The following FECH variants were observed in gnomAD, a reference collection of about 807,000 sequenced individuals.
The protein encoded by FECH is ferrochelatase, mitochondrial.
In FECH, 40 loss-of-function variants were observed where a neutral mutation model predicts 56.9. The ratio of observed to expected loss-of-function variants is 0.70; its 90% CI spans 0.55 to 0.92. FECH has a LOEUF of 0.92. Among genes scored for constraint, FECH ranks in the 40% least tolerant of loss-of-function variants. The probability of loss-of-function intolerance (pLI) is 0.00; values close to 1 mark genes in which losing one functional copy is unlikely to be tolerated. For synonymous variants in FECH, 175 were observed against 198.6 expected, an observed-to-expected ratio of 0.88 and a Z score of 1.00; for missense variants, 431 against 529.1, an observed-to-expected ratio of 0.81 and a Z score of 1.82.
At chr18:57,577,567 A>G (rs940028651) in intron 2 of FECH, among the ~76,000 whole-genome samples, 3 of 152,210 alleles carry the variant, frequency 2.0e-5, no homozygotes, top group African/African-American at 7.2e-5. Flanking sequence ...ATATTAAAAA[A>G]CTAGAAATCA....
rs1261994673 is a variant in FECH, at chr18:57,546,893, G to C, written c.*3819C>G. Among the ~76,000 whole-genome samples the C allele has an allele frequency of 6.6e-6, 1 of 151,442 alleles. No individual in the cohort carries two copies. The highest frequency in any genetic ancestry group is 1.5e-5 in the Non-Finnish European group (1 of 67,936). On this transcript the variant is annotated 3_prime_UTR_variant, in exon 11 of 11. Coordinates refer to ENST00000262093, the MANE Select transcript of FECH (RefSeq NM_000140.5). ...GATGATCCTTTGAACCCAAGAGGCG[G>C]AGGTTGCAGTGAGCCGAGATCGTGC...
At chr18:57,582,006 T>A (rs78756572) in intron 1 of FECH, among the ~76,000 whole-genome samples, 63 of 148,586 alleles carry the variant, frequency 4.2e-4, no homozygotes, top group Middle Eastern at 3.4e-3. Flanking sequence ...GTTGGTGTTT[T>A]AAAAAAAAAA....
At chr18:57,551,209 A>C in intron 10 of FECH, 106 bp downstream of exon 10, 1 of 833,088 alleles carries the variant, frequency 1.2e-6, no homozygotes. Context: ...AATTAATTGG[A>C]ACTCCAAATG....
At chr18:57,554,232 T>C in intron 9 of FECH, 28 bp downstream of exon 9, 3 of 1,613,904 alleles carry the variant, frequency 1.9e-6, no homozygotes, top group Non-Finnish European at 2.5e-6. Context: ...CAAGTCATGA[T>C]GGGAAAAAGG....
intron 1 of FECH, among the ~76,000 whole-genome samples, chr18:57,581,178 G>C (rs981432874): frequency 6.6e-6 from 1 of 152,178 alleles, no homozygotes; most frequent in Admixed American, 6.5e-5. Flanking sequence ...TGTGATCAAG[G>C]TCTATTTGTC....
intron 3 of FECH, among the ~76,000 whole-genome samples, chr18:57,572,772 G>GT (rs1363948430): frequency 6.6e-6 from 1 of 151,778 alleles, no homozygotes; most frequent in African/African-American, 2.4e-5. Context: ...ACTATTTGTA[G>GT]TTTTTATCCC....
rs10608112 is a variant in FECH at position 57,570,032 on chromosome 18, CGTGTGTGTGT to C, written c.463+1350_463+1359del. ...TTGCTGTTGTTGTTGTTGTTGTTGT[CGTGTGTGTGT>C]GTGTGTGTGTGTGTGTGTGTGTGTG... is the stretch of plus-strand genomic sequence containing the variant. On this transcript the variant is annotated intron_variant, in intron 4 of 10. Transcript: ENST00000262093. 3.3e-3 allele frequency among the ~76,000 whole-genome samples: 401 copies of C among 122,852 alleles called. 5 individuals are homozygous for C. Among genetic ancestry groups the C allele is most frequent in the African/African-American group, 7.1e-3 (246 of 34,870 alleles). 80.6% of individuals were successfully genotyped at this position (122,852 alleles called of 152,430 possible). A position where few individuals can be genotyped will look rare whatever the true frequency, so the allele number is the denominator to read the frequency against.
intron 2 of FECH, among the ~76,000 whole-genome samples, chr18:57,576,989 T>C (rs765651810): frequency 6.6e-5 from 10 of 152,238 alleles, no homozygotes; most frequent in African/African-American, 1.4e-4. Context: ...TTTCAACATT[T>C]TGCCATTTTT....
intron 1 of FECH, among the ~76,000 whole-genome samples, chr18:57,584,219 C>T (rs2051331442): frequency 6.8e-6 from 1 of 148,088 alleles, no homozygotes; most frequent in South Asian, 2.2e-4. Flanking sequence ...ATAACTCCTG[C>T]AGTGGTGGAC....
At chr18:57,580,239 A>T (rs1272608469) in intron 1 of FECH, 40 bp from the exon 2 acceptor site, 1 of 1,613,516 alleles carries the variant, frequency 6.2e-7, no homozygotes, top group Non-Finnish European at 8.5e-7. Context: ...ATCTAGCTAG[A>T]AAGTAATTTC....
chr18:57,577,018 A>C (rs2051194164), intron 2 of FECH, among the ~76,000 whole-genome samples: 1 of 152,242 alleles, frequency 6.6e-6, no homozygotes, highest in Admixed American at 6.5e-5. Context: ...GGACTCTCAA[A>C]ATACAAGGTT....
chr18:57,574,191 G>A lies in FECH; in HGVS notation c.195-826C>T, dbSNP rs557304706. ...GTATTTTTAGTAGAGATGGTGTTTC[G>A]CCATGTTGGCCAGGCTGGTCTCAAA... On this transcript the variant is annotated intron_variant, in intron 2 of 10. Coordinates refer to ENST00000262093, the MANE Select transcript of FECH (RefSeq NM_000140.5). Among the ~76,000 whole-genome samples, 13 of 151,772 alleles carry A rather than the reference G, an allele frequency of 8.6e-5. No individual in the cohort carries two copies. The South Asian group carries it at 2.5e-3, about 29-fold the overall frequency.
In FECH at chr18:57,547,433, G is replaced by C. The variant is rs2050734061; in HGVS notation, c.*3279C>G. ...AACATGGAGACAGTTCCCCCATGCT[G>C]TTCTTGTGACAGCCAGTTCTCACGA... On this transcript the variant is annotated 3_prime_UTR_variant, in exon 11 of 11. Transcript: ENST00000262093. Among the ~76,000 whole-genome samples, 1 of 152,062 alleles carries C rather than the reference G, an allele frequency of 6.6e-6. No individual in the cohort carries two copies. The highest frequency in any genetic ancestry group is 2.4e-5 in the African/African-American group (1 of 41,380).
chr18:57,550,290 A>T lies in FECH; in HGVS notation c.*422T>A, dbSNP rs3760612. On this transcript the variant is annotated 3_prime_UTR_variant, in exon 11 of 11. Coordinates refer to ENST00000262093, the MANE Select transcript of FECH (RefSeq NM_000140.5). Reference sequence around the variant, plus strand: ...TCACTTCAAATACTCAACTGTGTTCATTTAAAAAACAGCAACTATATGCAC... The same window carrying T: ...TCACTTCAAATACTCAACTGTGTTCTTTTAAAAAACAGCAACTATATGCAC... 0.018 allele frequency: 2,944 copies of T among 162,420 alleles called. 49 individuals carry two copies. Among genetic ancestry groups the T allele is most frequent in the East Asian group, 0.092 (524 of 5,702 alleles). The allele number at this position is 162,420 out of a possible 1,614,324, so 10.1% of individuals were successfully genotyped here. A position where few individuals can be genotyped will look rare whatever the true frequency, so the allele number is the denominator to read the frequency against.
intron 4 of FECH, among the ~76,000 whole-genome samples, chr18:57,570,028 TTGTCGTGTGTG>T (rs1171801774): frequency 4.7e-4 from 48 of 101,962 alleles, no homozygotes; most frequent in Admixed American, 1.5e-3. Flanking sequence ...GTTGTTGTTG[TTGTCGTGTGTG>T]TGTGTGTGTG....
At position 57,548,304 on chromosome 18, in the gene FECH, C is replaced by G. The variant is rs2050747129; in HGVS notation, c.*2408G>C. ...TGAGTTCATTTCTCCTGATACGAAGCAAATTTTGAGTGCAAAAATTTATTG... is the reference window on the plus strand; with the variant it reads ...TGAGTTCATTTCTCCTGATACGAAGGAAATTTTGAGTGCAAAAATTTATTG... On this transcript the variant is annotated 3_prime_UTR_variant, in exon 11 of 11. Coordinates refer to ENST00000262093, the MANE Select transcript of FECH (RefSeq NM_000140.5). 2 of 150,048 alleles carry G rather than the reference C, an allele frequency of 1.3e-5. No individual in the cohort carries two copies. Among genetic ancestry groups the G allele is most frequent in the Non-Finnish European group, 3.0e-5 (2 of 67,630 alleles). The allele number at this position is 150,048 out of a possible 1,614,324, so 9.3% of individuals were successfully genotyped here. A position where few individuals can be genotyped will look rare whatever the true frequency, so the allele number is the denominator to read the frequency against.
chr18:57,567,441 C>T (rs1218463050), intron 4 of FECH, among the ~76,000 whole-genome samples: 2 of 152,212 alleles, frequency 1.3e-5, no homozygotes, highest in Admixed American at 6.5e-5. Flanking sequence ...AAAACATCCA[C>T]ACCACATAAT....
rs1387531373 is a variant in FECH at position 57,580,113 on chromosome 18, G to T, written c.154C>A (p.His52Asn). 12 of 1,614,040 alleles carry T rather than the reference G, an allele frequency of 7.4e-6. No individual in the cohort carries two copies. Among genetic ancestry groups the T allele is most frequent in the Non-Finnish European group, 1.0e-5 (12 of 1,180,052 alleles). Residue 52 changes from histidine to asparagine, a missense_variant, in exon 2 of 11, where the codon CAT becomes AAT. Coordinates refer to ENST00000262093, the MANE Select transcript of FECH (RefSeq NM_000140.5). The stretch of plus-strand genomic sequence containing the variant: ...ACTTGAGGTTTTGCACCCTGGGCAT[G>T]CTGGGCTGTTTCTGTGGTGACGGCC... Reference protein sequence around the residue: ...AAAVTTETAQHAQGAKPQVQP... With the variant: ...AAAVTTETAQNAQGAKPQVQP...
intron 8 of FECH, 39 bp downstream of exon 8, chr18:57,554,806 A>G: frequency 6.6e-7 from 1 of 1,519,142 alleles, no homozygotes; most frequent in Non-Finnish European, 9.1e-7. Flanking sequence ...AAATTTTACC[A>G]ATAAGAGCTG....
Sources: gnomAD v4.1 joint callset for allele counts (sites outside exome capture counted in the v4.1 genomes callset) on GRCh38, gnomAD v4.1.1 for gene constraint, MANE v1.5 for transcripts, NCBI Gene and HGNC (gene_info 2026-07-23, HGNC 2026-07-21) for gene names.